ATXN8OS: variants seen among roughly 807,000 people sequenced by gnomAD.
ATXN8OS encodes ATXN8 opposite strand (non-protein coding).
intron 1 of ATXN8OS, among the ~76,000 whole-genome samples, chr13:70,114,420 A>C (rs916729280): frequency 6.6e-6 from 1 of 152,190 alleles, no homozygotes; most frequent in South Asian, 2.1e-4. Flanking sequence ...AAATATTAAA[A>C]CAGATAAATC....
rs535948073 is a variant in ATXN8OS at position 70,116,907 on chromosome 13, A to ATAGT, written n.398+1610_398+1613dup. 4.6e-5 allele frequency among the ~76,000 whole-genome samples: 7 copies of ATAGT among 152,046 alleles called. 1 individual carries two copies. Among genetic ancestry groups the ATAGT allele is most frequent in the Admixed American group, 3.9e-4 (6 of 15,234 alleles). On this transcript the variant is annotated intron_variant and non_coding_transcript_variant, in intron 2 of 4. Transcript: ENST00000678624. The stretch of plus-strand genomic sequence containing the variant: ...TTTTAGATGGGAAGCTATGTTATAG[A>ATAGT]TAGTCTTGTCTATCTTTTACTCCCC...
At chr13:70,107,772 C>A, upstream of ATXN8OS, 1 of 1,186,268 alleles carries the variant, frequency 8.4e-7, no homozygotes, top group Non-Finnish European at 1.1e-6. Flanking sequence ...GGGAGGACAG[C>A]GGGGCCCGGG....
chr13:70,159,012 A>G (rs1231315409), intron 4 of ATXN8OS, among the ~76,000 whole-genome samples: 2 of 152,138 alleles, frequency 1.3e-5, no homozygotes, highest in East Asian at 3.8e-4. Context: ...CATGTATTTT[A>G]TCATGTATAT....
chr13:70,153,546 G>A (rs1888899169), intron 4 of ATXN8OS, among the ~76,000 whole-genome samples: 1 of 152,150 alleles, frequency 6.6e-6, no homozygotes, highest in Non-Finnish European at 1.5e-5. Context: ...TTGCACTCCA[G>A]CCCGGGCAAC....
chr13:70,139,370 T>C (rs1888664550), intron 3 of ATXN8OS: 1 of 660,036 alleles, frequency 1.5e-6, no homozygotes, highest in Non-Finnish European at 2.5e-6. Flanking sequence ...CTACTACTAC[T>C]ACTACTACTA....
At chr13:70,117,853 T>C (rs1403144691) in intron 2 of ATXN8OS, among the ~76,000 whole-genome samples, 1 of 71,274 alleles carries the variant, frequency 1.4e-5, no homozygotes, top group Non-Finnish European at 3.3e-5. Context: ...CTTTATATTG[T>C]TGTAAAAAAA....
At chr13:70,137,880 G>T (rs1342628567) in intron 3 of ATXN8OS, among the ~76,000 whole-genome samples, 1 of 152,182 alleles carries the variant, frequency 6.6e-6, no homozygotes, top group East Asian at 1.9e-4. Context: ...GGTCTGTACA[G>T]GAAGCATGGC....
rs1555298511 is a variant in ATXN8OS, at chr13:70,112,920, A to ATATATTTTTTTTTTTTTT, written n.241-2220_241-2219insATATTTTTTTTTTTTTTT. ...ACTGCTGAGGGACTTTATATATATA[A>ATATATTTTTTTTTTTTTT]TTTTTTTTTTTTTTTTTTTTGAGAT... On this transcript the variant is annotated intron_variant and non_coding_transcript_variant, in intron 1 of 4. Transcript: ENST00000678624. Among the ~76,000 whole-genome samples the ATATATTTTTTTTTTTTTT allele has an allele frequency of 3.4e-5, 3 of 87,590 alleles. 1 individual carries two copies. The highest frequency in any genetic ancestry group is 2.2e-5 in the Non-Finnish European group (1 of 45,998). 57.5% of individuals were successfully genotyped at this position (87,590 alleles called of 152,430 possible). A position where few individuals can be genotyped will look rare whatever the true frequency, so the allele number is the denominator to read the frequency against.
At chr13:70,148,540 G>T (rs1175541622) in intron 4 of ATXN8OS, among the ~76,000 whole-genome samples, 1 of 152,080 alleles carries the variant, frequency 6.6e-6, no homozygotes, top group East Asian at 1.9e-4. Context: ...CCTAGGCTGA[G>T]AGATGGGTCC....
chr13:70,168,877 T>G (rs993968720), intron 4 of ATXN8OS, among the ~76,000 whole-genome samples: 1 of 152,172 alleles, frequency 6.6e-6, no homozygotes, highest in African/African-American at 2.4e-5. Context: ...TTTGTTAGTA[T>G]GGATTTATTT....
chr13:70,136,529 T>G (rs1287712402), intron 3 of ATXN8OS, among the ~76,000 whole-genome samples: 2 of 151,978 alleles, frequency 1.3e-5, no homozygotes, highest in African/African-American at 2.4e-5. Context: ...TGCCACTCAT[T>G]TGCCCAAGCT....
At chr13:70,123,394 T>C (rs557071085) in intron 2 of ATXN8OS, among the ~76,000 whole-genome samples, 14 of 152,246 alleles carry the variant, frequency 9.2e-5, no homozygotes, top group Admixed American at 8.5e-4. Context: ...CTAGAGTGAA[T>C]ATTGAGAGTA....
chr13:70,134,502 T>G (rs909091000), intron 3 of ATXN8OS, among the ~76,000 whole-genome samples: 2 of 152,152 alleles, frequency 1.3e-5, no homozygotes, highest in Non-Finnish European at 2.9e-5. Flanking sequence ...CAGAACTCCA[T>G]GCACTGGTTA....
At chr13:70,132,404 G>A (rs1026693112) in intron 3 of ATXN8OS, among the ~76,000 whole-genome samples, 1 of 151,086 alleles carries the variant, frequency 6.6e-6, no homozygotes, top group Non-Finnish European at 1.5e-5. Flanking sequence ...TGCTTATAAG[G>A]GAGAGCTAAA....
intron 2 of ATXN8OS, among the ~76,000 whole-genome samples, chr13:70,126,727 TATAA>T (rs547653339): frequency 1.7e-3 from 254 of 152,002 alleles, no homozygotes; most frequent in Middle Eastern, 3.6e-3. Flanking sequence ...TTTACACATC[TATAA>T]ATAGACATCT....
chr13:70,139,323 T>C (rs1030356546), intron 3 of ATXN8OS: 1 of 616,620 alleles, frequency 1.6e-6, no homozygotes, highest in Non-Finnish European at 2.8e-6. Flanking sequence ...GGCTAGACCC[T>C]GGGTCCTTCA....
chr13:70,139,788 T>C (rs889342847), intron 3 of ATXN8OS, among the ~76,000 whole-genome samples: 1 of 152,158 alleles, frequency 6.6e-6, no homozygotes, highest in Admixed American at 6.6e-5. Flanking sequence ...GAATGCTTTA[T>C]TTTCCTTTAT....
At chr13:70,107,944 A>G in exon 1 of ATXN8OS, 1 of 469,818 alleles carries the variant, frequency 2.1e-6, no homozygotes, top group Non-Finnish European at 3.7e-6. Context: ...ACCACCAGGC[A>G]GGAGCAGAGG....
Position 70,146,973 on chromosome 13 carries a change from AT to A in ATXN8OS, n.500-380del, listed in dbSNP as rs1888795485. On this transcript the variant is annotated intron_variant and non_coding_transcript_variant, in intron 3 of 4. Transcript: ENST00000678624. ...ATCTTGATGTTAGTAAGACATGTTT[AT>A]TAAGTCTAAAATACAGTATTTTCAA... Among the ~76,000 whole-genome samples, 4 of 152,206 alleles carry A rather than the reference AT, an allele frequency of 2.6e-5. No individual in the cohort carries two copies. The South Asian group carries it at 8.3e-4, about 32-fold the overall frequency.
Sources: gnomAD v4.1 joint callset for allele counts (sites outside exome capture counted in the v4.1 genomes callset) on GRCh38, gnomAD v4.1.1 for gene constraint, MANE v1.5 for transcripts, NCBI Gene and HGNC (gene_info 2026-07-23, HGNC 2026-07-21) for gene names.